The following TNIK variants were observed in gnomAD, a reference collection of about 807,000 sequenced individuals.
The protein encoded by TNIK is TRAF2 and NCK interacting kinase.
TNIK carries 49 observed loss-of-function variants against 191.3 expected under a neutral mutation model. The ratio of observed to expected loss-of-function variants is 0.26; its 90% confidence interval spans 0.20 to 0.32. The LOEUF (loss-of-function observed/expected upper bound fraction) is 0.32. Among genes scored for constraint, TNIK ranks in the 10% least tolerant of loss-of-function variants. The probability of loss-of-function intolerance (pLI) is 1.00; values close to 1 mark genes in which losing one functional copy is unlikely to be tolerated. For missense variants in TNIK, 1,155 were observed against 1,702.3 expected (o/e 0.68, Z 5.66); for synonymous variants, 594 against 600.9 (o/e 0.99, Z 0.17).
At chr3:171,240,019 A>T (rs2109032825) in intron 2 of TNIK, among the ~76,000 whole-genome samples, 1 of 152,224 alleles carries the variant, frequency 6.6e-6, no homozygotes, top group South Asian at 2.1e-4. Context: ...CCTGAATGGG[A>T]GGGTAGCTGA....
intron 18 of TNIK, among the ~76,000 whole-genome samples, chr3:171,116,652 G>C (rs1210313992): frequency 6.6e-6 from 1 of 152,202 alleles, no homozygotes; most frequent in Non-Finnish European, 1.5e-5. Flanking sequence ...GGATGGGACA[G>C]AGAATTATTT....
intron 2 of TNIK, among the ~76,000 whole-genome samples, chr3:171,270,371 C>T (rs1163733613): frequency 6.6e-6 from 1 of 152,158 alleles, no homozygotes; most frequent in African/African-American, 2.4e-5. Flanking sequence ...TCACTGACAG[C>T]TACTTCCCTG....
At chr3:171,384,642 C>T (rs1180598169) in intron 1 of TNIK, among the ~76,000 whole-genome samples, 1 of 152,152 alleles carries the variant, frequency 6.6e-6, no homozygotes, top group East Asian at 1.9e-4. Context: ...ACTTTATATC[C>T]AATAAATGTT....
intron 15 of TNIK, among the ~76,000 whole-genome samples, chr3:171,129,411 T>G (rs985017057): frequency 1.3e-5 from 2 of 152,228 alleles, no homozygotes; most frequent in Non-Finnish European, 2.9e-5. Context: ...GCCTGCTTAA[T>G]GCGCGTGGCG....
intron 4 of TNIK, among the ~76,000 whole-genome samples, chr3:171,196,225 C>T (rs1738652223): frequency 6.6e-6 from 1 of 152,086 alleles, no homozygotes; most frequent in Non-Finnish European, 1.5e-5. Context: ...GGTATTCCAT[C>T]TAATAAATGA....
intron 2 of TNIK, among the ~76,000 whole-genome samples, chr3:171,283,937 T>G (rs191179050): frequency 1.4e-3 from 211 of 152,304 alleles, no homozygotes; most frequent in African/African-American, 4.4e-3. Context: ...GGTTACTTGT[T>G]AAGATGGAGT....
At chr3:171,448,699 T>G (rs1264725193) in intron 1 of TNIK, among the ~76,000 whole-genome samples, 1 of 151,872 alleles carries the variant, frequency 6.6e-6, no homozygotes, top group African/African-American at 2.4e-5. Flanking sequence ...TTTTCCAAAA[T>G]GGCTGTACCA....
At chr3:171,235,238 C>T (rs1487561219) in intron 2 of TNIK, among the ~76,000 whole-genome samples, 9 of 152,246 alleles carry the variant, frequency 5.9e-5, no homozygotes, top group African/African-American at 1.9e-4. Context: ...GCCAGGGTTT[C>T]GCCATGTTGG....
intron 2 of TNIK, among the ~76,000 whole-genome samples, chr3:171,265,436 G>A (rs931507482): frequency 5.3e-5 from 8 of 152,194 alleles, no homozygotes; most frequent in Admixed American, 3.9e-4. Context: ...CCTTCTCAGT[G>A]GAACTGGATT....
At chr3:171,108,631 C>T (rs1392480189) in intron 19 of TNIK, among the ~76,000 whole-genome samples, 1 of 152,170 alleles carries the variant, frequency 6.6e-6, no homozygotes, top group Non-Finnish European at 1.5e-5. Flanking sequence ...CTAAATGAGC[C>T]TCTAAGGTTC....
chr3:171,225,134 CATA>C, intron 3 of TNIK, among the ~76,000 whole-genome samples: 1 of 152,190 alleles, frequency 6.6e-6, no homozygotes, highest in East Asian at 1.9e-4. Context: ...ACAGAGCAAC[CATA>C]ATGAGTACAA....
At chr3:171,163,435 G>A (rs920102936) in intron 10 of TNIK, among the ~76,000 whole-genome samples, 6 of 152,134 alleles carry the variant, frequency 3.9e-5, no homozygotes, top group African/African-American at 1.2e-4. Flanking sequence ...TGATAAACAT[G>A]CCTTGCTTTT....
At chr3:171,429,189 A>G (rs1157249358) in intron 1 of TNIK, among the ~76,000 whole-genome samples, 1 of 152,170 alleles carries the variant, frequency 6.6e-6, no homozygotes, top group Non-Finnish European at 1.5e-5. Context: ...TCCACAAAGC[A>G]AGCTGCGTTA....
chr3:171,099,226 T>C (rs1723120512), intron 22 of TNIK, among the ~76,000 whole-genome samples: 1 of 152,108 alleles, frequency 6.6e-6, no homozygotes, highest in Non-Finnish European at 1.5e-5. Flanking sequence ...TGGTTTCCAA[T>C]GGCTACATAT....
At position 171,112,584 on chromosome 3, in the gene TNIK, T is replaced by C. The variant is rs777798128; in HGVS notation, c.2121-1707A>G. On this transcript the variant is annotated intron_variant, in intron 18 of 32. Transcript: ENST00000436636. ...TTACTATTGTACATGATCTCACTTA[T>C]GCGTGGAATCTACAAACATCAAACT... 3.9e-5 allele frequency among the ~76,000 whole-genome samples: 6 copies of C among 151,944 alleles called. No homozygotes were observed. The East Asian group carries it at 5.8e-4, about 15-fold the overall frequency.
intron 1 of TNIK, among the ~76,000 whole-genome samples, chr3:171,459,274 T>C (rs1729143980): frequency 6.6e-6 from 1 of 150,784 alleles, no homozygotes; most frequent in Non-Finnish European, 1.5e-5. Context: ...TCCGGTCTGA[T>C]TGAGGAAAAG....
intron 4 of TNIK, among the ~76,000 whole-genome samples, chr3:171,195,305 T>G (rs1156609991): frequency 2.6e-5 from 4 of 152,174 alleles, no homozygotes; most frequent in African/African-American, 9.7e-5. Context: ...AGAGACCATT[T>G]GAGAAAAAAG....
At chr3:171,338,751 C>T (rs1199805752) in intron 2 of TNIK, among the ~76,000 whole-genome samples, 1 of 151,468 alleles carries the variant, frequency 6.6e-6, no homozygotes, top group South Asian at 2.1e-4. Context: ...AATTCACTTG[C>T]CTTGGCCTCC....
intron 7 of TNIK, among the ~76,000 whole-genome samples, chr3:171,184,806 A>AGG (rs1737156631): frequency 6.6e-6 from 1 of 152,232 alleles, no homozygotes; most frequent in Non-Finnish European, 1.5e-5. Context: ...TCTGTGACAC[A>AGG]GGGGAAAAGA....
Sources: gnomAD v4.1 joint callset for allele counts (sites outside exome capture counted in the v4.1 genomes callset) on GRCh38, gnomAD v4.1.1 for gene constraint, MANE v1.5 for transcripts, NCBI Gene and HGNC (gene_info 2026-07-23, HGNC 2026-07-21) for gene names.